VEGFC: variants seen among roughly 807,000 people sequenced by gnomAD.
VEGFC encodes the protein vascular endothelial growth factor C.
A neutral mutation model predicts 46.1 loss-of-function variants in VEGFC; 12 were observed. The observed-to-expected ratio is 0.26, with a 90% CI of 0.17 to 0.42. VEGFC has a LOEUF of 0.42. Among genes scored for constraint, VEGFC ranks in the 10% least tolerant of loss-of-function variants. The pLI, the probability that VEGFC is intolerant of heterozygous loss-of-function variation, is 1.00. For synonymous variants in VEGFC, 232 were observed against 195.5 expected, an observed-to-expected ratio of 1.19 and a Z score of -1.56; for missense variants, 488 against 529.4, an observed-to-expected ratio of 0.92 and a Z score of 0.77.
chr4:176,740,185 CTATA>C (rs1579116098), intron 1 of VEGFC, among the ~76,000 whole-genome samples: 5 of 114,888 alleles, frequency 4.4e-5, no homozygotes, highest in Non-Finnish European at 1.7e-5. Flanking sequence ...CTATATATAA[CTATA>C]TATTCTATAT....
intron 1 of VEGFC, among the ~76,000 whole-genome samples, chr4:176,747,835 T>G (rs1470950950): frequency 6.6e-6 from 1 of 151,872 alleles, no homozygotes; most frequent in Non-Finnish European, 1.5e-5. Flanking sequence ...ATTAAGCATC[T>G]TATAAGGAGG....
intron 1 of VEGFC, among the ~76,000 whole-genome samples, chr4:176,767,123 T>TAAAAAAAAAAAAAAAAAAAAAAAAAAA (rs70964805): frequency 9.9e-5 from 5 of 50,474 alleles, no homozygotes; most frequent in East Asian, 7.8e-4. Context: ...TGTAGAAATC[T>TAAAAAAAAAAAAAAAAAAAAAAAAAAA]AAAAAAAAAA....
chr4:176,692,101 A>G (rs1317381317), intron 4 of VEGFC, among the ~76,000 whole-genome samples: 2 of 152,102 alleles, frequency 1.3e-5, no homozygotes, highest in African/African-American at 4.8e-5. Flanking sequence ...CGGGCTTAAA[A>G]AACGGCGCAC....
intron 4 of VEGFC, among the ~76,000 whole-genome samples, chr4:176,696,657 A>G (rs1734319239): frequency 6.6e-6 from 1 of 151,780 alleles, no homozygotes; most frequent in South Asian, 2.1e-4. Context: ...ATGGAACCAA[A>G]AAAGAGCCTG....
At chr4:176,739,072 T>C (rs1735105870) in intron 1 of VEGFC, among the ~76,000 whole-genome samples, 1 of 151,676 alleles carries the variant, frequency 6.6e-6, no homozygotes, top group South Asian at 2.1e-4. Flanking sequence ...TCACTGATCA[T>C]TAGAGAAATG....
chr4:176,780,197 G>C (rs10018457), intron 1 of VEGFC, among the ~76,000 whole-genome samples: 15,036 of 151,818 alleles, frequency 0.099, 1,775 homozygotes, highest in African/African-American at 0.28. Context: ...CTGGCCAACA[G>C]GGTGAAACCC....
chr4:176,698,212 A>G (rs111980744), intron 4 of VEGFC, among the ~76,000 whole-genome samples: 9,848 of 151,530 alleles, frequency 0.065, 388 homozygotes, highest in Non-Finnish European at 0.092. Context: ...TATTTTGTGC[A>G]TGCTATTTTT....
intron 4 of VEGFC, among the ~76,000 whole-genome samples, chr4:176,709,554 G>A (rs1457532349): frequency 6.6e-6 from 1 of 152,164 alleles, no homozygotes; most frequent in Non-Finnish European, 1.5e-5. Context: ...GAGAAATGGA[G>A]AGGGCTTTGG....
chr4:176,742,561 G>A (rs1341753010), intron 1 of VEGFC, among the ~76,000 whole-genome samples: 1 of 151,956 alleles, frequency 6.6e-6, no homozygotes, highest in Non-Finnish European at 1.5e-5. Context: ...CACTAAAACT[G>A]TGTAAATGTT....
intron 4 of VEGFC, among the ~76,000 whole-genome samples, chr4:176,689,850 C>T (rs1734117361): frequency 6.6e-6 from 1 of 152,152 alleles, no homozygotes; most frequent in South Asian, 2.1e-4. Context: ...GATTAGGAAA[C>T]AATATACATT....
intron 4 of VEGFC, among the ~76,000 whole-genome samples, chr4:176,703,277 CG>C (rs1485788899): frequency 4.0e-4 from 61 of 152,014 alleles, no homozygotes; most frequent in African/African-American, 1.4e-3. Flanking sequence ...ATATACACAA[CG>C]GAGTACTATT....
chr4:176,790,094 T>A (rs1235288874), intron 1 of VEGFC, among the ~76,000 whole-genome samples: 1 of 152,188 alleles, frequency 6.6e-6, no homozygotes, highest in African/African-American at 2.4e-5. Flanking sequence ...AGTCTTCATA[T>A]CAGTTTCTTG....
chr4:176,774,539 T>C (rs1735781433), intron 1 of VEGFC, among the ~76,000 whole-genome samples: 1 of 152,122 alleles, frequency 6.6e-6, no homozygotes, highest in Non-Finnish European at 1.5e-5. Flanking sequence ...ATATGTAAAA[T>C]GGGGACAACA....
At chr4:176,732,829 A>T (rs1011493268) in intron 1 of VEGFC, among the ~76,000 whole-genome samples, 9 of 151,912 alleles carry the variant, frequency 5.9e-5, no homozygotes, top group African/African-American at 2.2e-4. Flanking sequence ...GTGACAAATT[A>T]TATTTCCAGA....
intron 3 of VEGFC, among the ~76,000 whole-genome samples, chr4:176,727,417 C>T (rs1177398443): frequency 6.6e-6 from 1 of 152,158 alleles, no homozygotes; most frequent in East Asian, 1.9e-4. Context: ...TCTGAAAACT[C>T]ACCCATTTAA....
chr4:176,692,988 A>G (rs1734236165), intron 4 of VEGFC, among the ~76,000 whole-genome samples: 1 of 151,030 alleles, frequency 6.6e-6, no homozygotes, highest in African/African-American at 2.5e-5. Context: ...CATCACCATC[A>G]TCAAAGACCA....
At chr4:176,691,955 G>A (rs918092774) in intron 4 of VEGFC, among the ~76,000 whole-genome samples, 13 of 152,186 alleles carry the variant, frequency 8.5e-5, no homozygotes, top group Non-Finnish European at 1.5e-4. Context: ...CCGTGCGCGA[G>A]CCGAAGCAGG....
chr4:176,734,608 T>C (rs1735024846), intron 1 of VEGFC, among the ~76,000 whole-genome samples: 1 of 151,804 alleles, frequency 6.6e-6, no homozygotes, highest in South Asian at 2.1e-4. Context: ...GAAGTCATTA[T>C]GAACTAAGTG....
At chr4:176,786,461 A>T (rs2110954255) in intron 1 of VEGFC, among the ~76,000 whole-genome samples, 1 of 152,238 alleles carries the variant, frequency 6.6e-6, no homozygotes, top group African/African-American at 2.4e-5. Context: ...CTCATTTTTA[A>T]CATTGGGTCT....
Sources: gnomAD v4.1 joint callset for allele counts (sites outside exome capture counted in the v4.1 genomes callset) on GRCh38, gnomAD v4.1.1 for gene constraint, MANE v1.5 for transcripts, NCBI Gene and HGNC (gene_info 2026-07-23, HGNC 2026-07-21) for gene names.